ERAP1: variants seen among roughly 807,000 people sequenced by gnomAD.
The protein encoded by ERAP1 is endoplasmic reticulum aminopeptidase 1, also known as adipocyte-derived leucine aminopeptidase.
Under a neutral mutation model 103.7 loss-of-function variants are expected in ERAP1, and 86 were observed. That is an observed-to-expected ratio of 0.83 (90% confidence interval 0.70 to 0.99). The LOEUF (loss-of-function observed/expected upper bound fraction) is 0.99. ERAP1 is among the 50% of genes least tolerant of loss of function. The pLI, the probability that ERAP1 is intolerant of heterozygous loss-of-function variation, is 0.00. For synonymous variants in ERAP1, 398 were observed against 402.4 expected (o/e 0.99, Z 0.13); for missense variants, 1,009 against 1,128.4 (o/e 0.89, Z 1.52).
the ERAP1 span, among the ~76,000 whole-genome samples, chr5:96,911,878 A>G: frequency 2.3e-5 from 3 of 130,342 alleles, no homozygotes; most frequent in South Asian, 2.4e-4. Flanking sequence ...AAAAAAAAAA[A>G]AAAGAAAGAA....
At chr5:96,790,226 G>C in intron 10 of ERAP1, 70 bp downstream of exon 10, 1 of 1,415,776 alleles carries the variant, frequency 7.1e-7, no homozygotes, top group Non-Finnish European at 1.0e-6. Context: ...GTTTGGCACA[G>C]AGCTGCCTTT....
chr5:96,931,797 T>C, the ERAP1 span, among the ~76,000 whole-genome samples: 12 of 152,330 alleles, frequency 7.9e-5, no homozygotes, highest in African/African-American at 2.9e-4. Context: ...CATATGGTAG[T>C]CTGGGCTTTG....
the ERAP1 span, among the ~76,000 whole-genome samples, chr5:96,827,893 G>A: frequency 1.3e-5 from 2 of 152,022 alleles, no homozygotes; most frequent in African/African-American, 4.8e-5. Flanking sequence ...AAGATAAGTG[G>A]GTTCTGAAAC....
At chr5:96,903,483 A>G in the ERAP1 span, 2 of 1,613,934 alleles carry the variant, frequency 1.2e-6, no homozygotes, top group Non-Finnish European at 8.5e-7. Flanking sequence ...AACTCATTAC[A>G]CAGCTGAATC....
the ERAP1 span, among the ~76,000 whole-genome samples, chr5:96,850,469 C>A: frequency 6.6e-6 from 1 of 151,928 alleles, no homozygotes; most frequent in African/African-American, 2.4e-5. Context: ...AAAGAAAAGG[C>A]CAACAGATAT....
intron 6 of ERAP1, 61 bp from the exon 7 acceptor site, chr5:96,793,574 C>T: frequency 7.7e-7 from 1 of 1,305,726 alleles, no homozygotes; most frequent in Non-Finnish European, 1.1e-6. Context: ...TTTAGATGTC[C>T]AATATAAGTT....
At position 96,785,819 on chromosome 5, in the gene ERAP1, T is replaced by C; in HGVS notation, c.1912A>G (p.Ser638Gly). 3 of 1,614,144 alleles carry C rather than the reference T, an allele frequency of 1.9e-6. No homozygotes were observed. The highest frequency in any genetic ancestry group is 1.7e-6 in the Non-Finnish European group (2 of 1,180,008). ...HTAVSSNDRA[S>G]LINNAFQLVS... ...AGCTGAAATGCATTGTTAATGAGAC[T>C]CGCCCGATCATTACTGCTGACTGCT... Residue 638 changes from serine to glycine, a missense_variant, in exon 13 of 19, where the codon AGT becomes GGT. By Grantham distance (56) the Ser-to-Gly change is moderately conservative (BLOSUM62 0). Transcript: ENST00000443439.
chr5:96,913,606 C>T, the ERAP1 span: 1 of 869,802 alleles, frequency 1.1e-6, no homozygotes, highest in Non-Finnish European at 1.8e-6. Flanking sequence ...AACTCCCTAG[C>T]CCAAATTATC....
At chr5:96,924,169 T>G in the ERAP1 span, among the ~76,000 whole-genome samples, 2 of 152,242 alleles carry the variant, frequency 1.3e-5, no homozygotes, top group Non-Finnish European at 2.9e-5. Context: ...GTATTATGTA[T>G]GTATCCTGTG....
chr5:96,912,673 G>C, the ERAP1 span: 1 of 1,610,512 alleles, frequency 6.2e-7, no homozygotes. Context: ...TGTATTCTGT[G>C]GGTGCTCAGA....
intron 7 of ERAP1, among the ~76,000 whole-genome samples, chr5:96,792,913 G>A (rs893302884): frequency 5.3e-5 from 8 of 152,152 alleles, no homozygotes; most frequent in African/African-American, 1.9e-4. Flanking sequence ...TAAGTTAAAT[G>A]TGGTGATTTA....
At chr5:96,921,557 A>G in the ERAP1 span, among the ~76,000 whole-genome samples, 10 of 152,232 alleles carry the variant, frequency 6.6e-5, no homozygotes, top group Non-Finnish European at 1.5e-4. Context: ...GTAGAAAAAC[A>G]TTTTATTTCT....
the ERAP1 span, chr5:96,919,789 C>T: frequency 1.3e-5 from 2 of 152,260 alleles, no homozygotes; most frequent in African/African-American, 4.8e-5. Context: ...GGTTGTGTTA[C>T]TTTTACTTTC....
At position 96,797,290 on chromosome 5, in the gene ERAP1, G is replaced by A; in HGVS notation, c.683C>T (p.Ala228Val). The stretch of plus-strand genomic sequence containing the variant: ...AAAATGGTCTTCTATGAGTCCTTCA[G>A]CAACAGTCACAGATTTCACCTAAAA... ...NMPLVKSVTV[A>V]EGLIEDHFDV... The change falls in exon 4 of 19, where the codon GCT (alanine) becomes GTT (valine). Residue 228 changes from alanine (A) to valine (V), a missense_variant. This residue lies in a region of ERAP1 where 392 missense variants were observed against 455.2 expected (regional missense o/e 0.86). Coordinates refer to ENST00000443439, the MANE Select transcript of ERAP1 (RefSeq NM_001040458.3). 1 of 1,614,122 alleles carries A rather than the reference G, an allele frequency of 6.2e-7. No individual in the cohort carries two copies.
chr5:96,813,394 C>G, the ERAP1 span, among the ~76,000 whole-genome samples: 1 of 152,070 alleles, frequency 6.6e-6, no homozygotes, highest in Admixed American at 6.5e-5. Context: ...GTGGCTCACG[C>G]CTGCAATCCC....
chr5:96,894,007 T>A, the ERAP1 span, among the ~76,000 whole-genome samples: 1 of 152,186 alleles, frequency 6.6e-6, no homozygotes, highest in Non-Finnish European at 1.5e-5. Flanking sequence ...AAACTGATTA[T>A]TTCCTCCTGG....
rs914374073 is a variant in ERAP1 at position 96,781,129 on chromosome 5, A to G, written c.2517T>C (p.Ile839=). 4.3e-6 allele frequency: 7 copies of G among 1,613,532 alleles called. No individual in the cohort carries two copies. Among genetic ancestry groups the G allele is most frequent in the Admixed American group, 1.7e-5 (1 of 59,916 alleles). ...GTGGGTATCCTACTGGGTTCCTGCC[A>G]ATGAGTGTAAGAATTTGTGGAAACT... ...TQEFPQILTL[I]GRNPVGYPLA... Residue 839 remains isoleucine (I), a synonymous_variant, in exon 17 of 19, where the codon ATT becomes ATC. Transcript: ENST00000443439.
the ERAP1 span, among the ~76,000 whole-genome samples, chr5:96,851,614 G>A: frequency 6.6e-6 from 1 of 152,142 alleles, no homozygotes. Context: ...GCATGACACA[G>A]CAAACCCTCA....
Position 96,793,886 on chromosome 5 carries a change from C to G in ERAP1, c.991G>C (p.Ala331Pro). The part of the protein sequence containing the change: ...NWGLTTYRES[A>P]LLFDAEKSSA... ...GACTTTTCTGCATCAAACAACAGAG[C>G]AGATTCTCTATATGTTGTCAGTCCC... Residue 331 changes from alanine (A) to proline (P), a missense_variant, in exon 6 of 19, where the codon GCT becomes CCT. Physicochemically the swap from Ala to Pro is conservative, Grantham distance 27. Transcript: ENST00000443439. 6.2e-7 allele frequency: 1 copy of G among 1,614,068 alleles called. No homozygotes were observed.
Sources: allele counts gnomAD v4.1 joint callset (sites outside exome capture counted in the v4.1 genomes callset), GRCh38; gene constraint gnomAD v4.1.1; regional missense constraint gnomAD v4.1.1; transcripts MANE v1.5; gene names NCBI Gene and HGNC (gene_info 2026-07-23, HGNC 2026-07-21).